Variants in TMEM233 observed in about 807,000 individuals in gnomAD.
The protein encoded by TMEM233 is transmembrane protein 233.
Under a neutral mutation model 11.2 loss-of-function variants are expected in TMEM233, and 6 were observed. That is an observed-to-expected ratio of 0.54 (90% CI 0.29 to 1.06). TMEM233 has a LOEUF of 1.06. Ranked by LOEUF, TMEM233 falls within the 50% of genes least tolerant of loss-of-function variation. The pLI, the probability that TMEM233 is intolerant of heterozygous loss-of-function variation, is 0.08. For missense variants in TMEM233, 127 were observed against 144.7 expected, an observed-to-expected ratio of 0.88 and a Z score of 0.63; for synonymous variants, 59 against 55.8, an observed-to-expected ratio of 1.06 and a Z score of -0.26.
At chr12:119,621,277 T>C (rs1954636719) in intron 1 of TMEM233, among the ~76,000 whole-genome samples, 1 of 152,180 alleles carries the variant, frequency 6.6e-6, no homozygotes, top group African/African-American at 2.4e-5. Flanking sequence ...TGGACTCACG[T>C]GATCCCCTGC....
At chr12:119,637,109 G>T (rs565362701) in intron 2 of TMEM233, among the ~76,000 whole-genome samples, 1 of 152,338 alleles carries the variant, frequency 6.6e-6, no homozygotes, top group Non-Finnish European at 1.5e-5. Flanking sequence ...GAGCGGGGCG[G>T]CAGTCAGAAA....
At chr12:119,626,821 G>A (rs1162657686) in intron 1 of TMEM233, among the ~76,000 whole-genome samples, 1 of 152,212 alleles carries the variant, frequency 6.6e-6, no homozygotes, top group African/African-American at 2.4e-5. Context: ...TTCACATTCT[G>A]TGGGGAAACA....
chr12:119,626,071 C>T (rs1048178854), intron 1 of TMEM233, among the ~76,000 whole-genome samples: 3 of 152,128 alleles, frequency 2.0e-5, no homozygotes, highest in Admixed American at 1.3e-4. Flanking sequence ...TCTTTCACGA[C>T]ATTGACTTTT....
At chr12:119,613,421 C>A (rs916125624) in intron 1 of TMEM233, among the ~76,000 whole-genome samples, 1 of 152,124 alleles carries the variant, frequency 6.6e-6, no homozygotes, top group Admixed American at 6.5e-5. Context: ...GTCAACAGGC[C>A]GCTGAATCAA....
chr12:119,620,672 T>A (rs1189177099), intron 1 of TMEM233, among the ~76,000 whole-genome samples: 3 of 152,040 alleles, frequency 2.0e-5, no homozygotes, highest in African/African-American at 4.8e-5. Context: ...GATTGCACCA[T>A]AACAAATCAA....
the TMEM233 span, among the ~76,000 whole-genome samples, chr12:119,649,382 T>G: frequency 6.6e-6 from 1 of 152,128 alleles, no homozygotes; most frequent in Non-Finnish European, 1.5e-5. Context: ...AACCCCAGCC[T>G]CCTTTGTGCC....
the TMEM233 span, among the ~76,000 whole-genome samples, chr12:119,650,659 T>C: frequency 6.7e-6 from 1 of 148,964 alleles, no homozygotes; most frequent in Non-Finnish European, 1.5e-5. Flanking sequence ...GTTGTTGTTT[T>C]TGAGACGGAG....
intron 2 of TMEM233, chr12:119,634,347 C>T (rs1954936139): frequency 2.3e-6 from 2 of 865,680 alleles, no homozygotes; most frequent in African/African-American, 1.8e-5. Flanking sequence ...TGTGGTGGCT[C>T]ACACCTGTAA....
At chr12:119,605,974 C>T (rs529060281) in intron 1 of TMEM233, among the ~76,000 whole-genome samples, 1 of 152,224 alleles carries the variant, frequency 6.6e-6, no homozygotes, top group African/African-American at 2.4e-5. Flanking sequence ...AATGAATTAA[C>T]GGTGCTGAAG....
intron 1 of TMEM233, among the ~76,000 whole-genome samples, chr12:119,627,008 A>G (rs923586237): frequency 4.6e-5 from 7 of 152,256 alleles, no homozygotes; most frequent in African/African-American, 1.7e-4. Context: ...TTGCTGGATC[A>G]TGGGGAAACC....
intron 1 of TMEM233, among the ~76,000 whole-genome samples, chr12:119,623,273 G>A (rs1174565046): frequency 1.3e-5 from 2 of 152,148 alleles, no homozygotes; most frequent in Non-Finnish European, 2.9e-5. Context: ...TTTTCCTATG[G>A]TTACAGCAAC....
At position 119,593,980 on chromosome 12, in the gene TMEM233, G is replaced by C; in HGVS notation, c.132G>C (p.Ser44=). 6.4e-7 allele frequency: 1 copy of C among 1,551,726 alleles called. No individual in the cohort carries two copies. Among genetic ancestry groups the C allele is most frequent in the African/African-American group, 1.4e-5 (1 of 73,178 alleles). Residue 44 remains serine, a synonymous_variant, in exon 1 of 3, where the codon TCG becomes TCC. Coordinates refer to ENST00000426426, the MANE Select transcript of TMEM233 (RefSeq NM_001136534.3). This position sits in a 1 kb window ranked among gnomAD's most constrained non-coding sequence, Gnocchi z 4.1. ...ACTACCTGTGGCTCACCATCGTCTC[G>C]TGTTTTTGCCCTGCGTACCCCATCA... ...PKNYLWLTIV[S]CFCPAYPINI...
chr12:119,617,570 A>T (rs1954560975), intron 1 of TMEM233, among the ~76,000 whole-genome samples: 1 of 152,208 alleles, frequency 6.6e-6, no homozygotes, highest in South Asian at 2.1e-4. Flanking sequence ...ACGGTGGCTC[A>T]TGCCTCTAAT....
In TMEM233 at chr12:119,641,495, T is replaced by C. The variant is rs79055686; in HGVS notation, c.*790T>C. 1.6e-4 allele frequency: 1 copy of C among 6,310 alleles called. No homozygotes were observed. The highest frequency in any genetic ancestry group is 3.4e-4 in the African/African-American group (1 of 2,940). The allele number at this position is 6,310 out of a possible 1,614,324, so 0.4% of individuals were successfully genotyped here. On this transcript the variant is annotated 3_prime_UTR_variant, in exon 3 of 3. Transcript: ENST00000426426. ...ACTGGCTGTATTTATAGAATGTGCT[T>C]TTTTTTTTTCAATTTCTCACTCTCT...
rs1409715505 is a variant in TMEM233 at position 119,593,921 on chromosome 12, G to C, written c.73G>C (p.Asp25His). ...DSSPEANTED[D>H]KTEEDVPMPK... ...CAGTCCCGAGGCCAACACTGAAGATGACAAGACCGAGGAGGACGTGCCCAT... is the reference window on the plus strand; with the variant it reads ...CAGTCCCGAGGCCAACACTGAAGATCACAAGACCGAGGAGGACGTGCCCAT... The change falls in exon 1 of 3, where the codon GAC (aspartate) becomes CAC (histidine). Residue 25 changes from aspartate (D) to histidine (H), a missense_variant. By Grantham distance (81) the Asp-to-His change is moderately conservative (BLOSUM62 -1). Transcript: ENST00000426426. The surrounding 1 kb of genome is among the most constrained non-coding windows in gnomAD (Gnocchi z 4.1). The C allele has an allele frequency of 1.2e-5, 19 of 1,551,642 alleles. No homozygotes were observed. The East Asian group carries it at 4.4e-4, about 36-fold the overall frequency.
intron 2 of TMEM233, among the ~76,000 whole-genome samples, chr12:119,635,681 AT>A (rs1196256022): frequency 6.6e-6 from 1 of 152,124 alleles, no homozygotes; most frequent in Non-Finnish European, 1.5e-5. Context: ...ACTGCCTCCC[AT>A]TTCAGATGCT....
chr12:119,612,963 GT>G (rs1052044244), intron 1 of TMEM233, among the ~76,000 whole-genome samples: 2 of 151,586 alleles, frequency 1.3e-5, no homozygotes, highest in Non-Finnish European at 2.9e-5. Flanking sequence ...TTTTGTTTTT[GT>G]TTTTTTATTA....
chr12:119,644,665 G>A (rs989549027), downstream of TMEM233, among the ~76,000 whole-genome samples: 11 of 151,948 alleles, frequency 7.2e-5, no homozygotes, highest in Non-Finnish European at 1.6e-4. Context: ...TTTTAGTAGA[G>A]ACTGGGTTTC....
At position 119,626,523 on chromosome 12, in the gene TMEM233, G is replaced by GGA. The variant is rs1244993604; in HGVS notation, c.187-3212_187-3211insAG. ...AGGAGGAGGAGGAGGAGGAGGAGAA[G>GGA]GGAGAAGGGAGAAGGGAGAAGAGAA... On this transcript the variant is annotated intron_variant, in intron 1 of 2. Coordinates refer to ENST00000426426, the MANE Select transcript of TMEM233 (RefSeq NM_001136534.3). Among the ~76,000 whole-genome samples, 284 of 58,808 alleles carry GGA rather than the reference G, an allele frequency of 4.8e-3. 36 individuals carry two copies. The highest frequency in any genetic ancestry group is 0.019 in the African/African-American group (268 of 14,002). 38.6% of individuals were successfully genotyped at this position (58,808 alleles called of 152,430 possible).
Sources: gnomAD v4.1 joint callset for allele counts (sites outside exome capture counted in the v4.1 genomes callset) on GRCh38, gnomAD v4.1.1 for gene constraint, Gnocchi (gnomAD v3.1) non-coding constraint, MANE v1.5 for transcripts, NCBI Gene and HGNC (gene_info 2026-07-23, HGNC 2026-07-21) for gene names.